Variants in MEIKIN observed in about 807,000 individuals in gnomAD.
MEIKIN encodes the protein meiotic kinetochore factor.
chr5:131,885,327 CCACTCAGAACTGAAA>C, intron 8 of MEIKIN, among the ~76,000 whole-genome samples: 1 of 136,144 alleles, frequency 7.3e-6, no homozygotes, highest in Non-Finnish European at 1.5e-5. Flanking sequence ...CAGCTGCAGG[CCACTCAGAACTGAAA>C]GAGAGAGAGA....
At chr5:131,885,391 G>A (rs1036363231) in intron 8 of MEIKIN, among the ~76,000 whole-genome samples, 108 of 111,286 alleles carry the variant, frequency 9.7e-4, no homozygotes, top group African/African-American at 3.1e-3. Context: ...GAGAGAGAGA[G>A]AGAGAGAGAG....
At chr5:131,935,603 C>T (rs1015308092) in intron 4 of MEIKIN, among the ~76,000 whole-genome samples, 3 of 151,952 alleles carry the variant, frequency 2.0e-5, no homozygotes, top group Non-Finnish European at 2.9e-5. Flanking sequence ...AAACTGGTTG[C>T]GGGGGTCGGG....
intron 12 of MEIKIN, among the ~76,000 whole-genome samples, chr5:131,817,886 C>T (rs1304835221): frequency 1.3e-5 from 2 of 152,090 alleles, no homozygotes; most frequent in Non-Finnish European, 2.9e-5. Flanking sequence ...GCTATTTACT[C>T]ATAAAAATTC....
chr5:131,903,877 C>T (rs910664727), intron 8 of MEIKIN, among the ~76,000 whole-genome samples: 3 of 151,724 alleles, frequency 2.0e-5, no homozygotes, highest in African/African-American at 7.3e-5. Context: ...CAACAGTATG[C>T]TGTCTTCAAG....
Position 131,882,569 on chromosome 5 carries a change from C to T in MEIKIN, c.704-3521G>A, listed in dbSNP as rs138467213. On this transcript the variant is annotated intron_variant, in intron 8 of 12. Transcript: ENST00000442687. ...ACCGACCTATGGGGCTATTTAAATTCATTTAAAATGAAATAAAATGTAAAA... is the reference window on the plus strand; with the variant it reads ...ACCGACCTATGGGGCTATTTAAATTTATTTAAAATGAAATAAAATGTAAAA... Among the ~76,000 whole-genome samples, 711 of 152,182 alleles carry T rather than the reference C, an allele frequency of 4.7e-3. 8 individuals carry two copies. The highest frequency in any genetic ancestry group is 0.016 in the African/African-American group (675 of 41,502).
At chr5:131,885,381 G>GAGAA (rs1750772598) in intron 8 of MEIKIN, among the ~76,000 whole-genome samples, 1 of 91,476 alleles carries the variant, frequency 1.1e-5, no homozygotes, top group African/African-American at 4.5e-5. Flanking sequence ...GAGAGAGAGA[G>GAGAA]AGAGAGAGAG....
At chr5:131,817,580 C>A (rs1193347388) in intron 12 of MEIKIN, among the ~76,000 whole-genome samples, 1 of 149,998 alleles carries the variant, frequency 6.7e-6, no homozygotes. Flanking sequence ...TGCGCCACTG[C>A]ACTCCAGCCT....
chr5:131,836,094 T>C (rs1044050612), intron 11 of MEIKIN, among the ~76,000 whole-genome samples: 1 of 152,196 alleles, frequency 6.6e-6, no homozygotes, highest in Non-Finnish European at 1.5e-5. Flanking sequence ...CCCCTGTATA[T>C]GTCCATGTGT....
At chr5:131,873,505 CT>C (rs1239132347) in intron 9 of MEIKIN, among the ~76,000 whole-genome samples, 1 of 152,274 alleles carries the variant, frequency 6.6e-6, no homozygotes. Context: ...AAAGCAAGTC[CT>C]TAGTGACCTA....
intron 12 of MEIKIN, among the ~76,000 whole-genome samples, chr5:131,813,429 CTTT>C (rs70974017): frequency 7.1e-6 from 1 of 140,634 alleles, no homozygotes; most frequent in Non-Finnish European, 1.5e-5. Context: ...TAACTATATT[CTTT>C]TTTTTTTTTT....
chr5:131,851,266 C>T lies in MEIKIN; in HGVS notation c.973G>A (p.Glu325Lys), dbSNP rs558412879. 28 of 397,942 alleles carry T rather than the reference C, an allele frequency of 7.0e-5. No individual in the cohort carries two copies. The highest frequency in any genetic ancestry group is 5.8e-4 in the African/African-American group (28 of 48,688). The allele number at this position is 397,942 out of a possible 1,614,324, so 24.7% of individuals were successfully genotyped here. A position where few individuals can be genotyped will look rare whatever the true frequency, so the allele number is the denominator to read the frequency against. The change falls in exon 11 of 13, where the codon GAG (glutamate) becomes AAG (lysine). Residue 325 changes from glutamate to lysine, a missense_variant and splice_region_variant. By Grantham distance (56) the Glu-to-Lys change is moderately conservative (BLOSUM62 1). Coordinates refer to ENST00000442687, the MANE Select transcript of MEIKIN (RefSeq NM_001303622.2). ...VSSLQENSSNEFPANASEICC... is the reference protein window; with the variant it reads ...VSSLQENSSNKFPANASEICC... Reference sequence around the variant, plus strand: ...GAAGGAAAAATGGAAAATACTACCTCATTTGAAGAATTTTCCTGCAAACTT... The same window carrying T: ...GAAGGAAAAATGGAAAATACTACCTTATTTGAAGAATTTTCCTGCAAACTT...
At chr5:131,888,398 C>A (rs1750840947) in intron 8 of MEIKIN, among the ~76,000 whole-genome samples, 1 of 151,674 alleles carries the variant, frequency 6.6e-6, no homozygotes, top group Admixed American at 6.6e-5. Context: ...TAATGATCGC[C>A]ATTCTAACTG....
chr5:131,890,676 T>G (rs1417322512), intron 8 of MEIKIN, among the ~76,000 whole-genome samples: 1 of 152,228 alleles, frequency 6.6e-6, no homozygotes, highest in Non-Finnish European at 1.5e-5. Context: ...AGCTCCTGGA[T>G]TCATTGATTT....
At chr5:131,939,567 C>T (rs1427984390) in intron 4 of MEIKIN, among the ~76,000 whole-genome samples, 1 of 152,120 alleles carries the variant, frequency 6.6e-6, no homozygotes, top group African/African-American at 2.4e-5. Flanking sequence ...CAATCTTCCA[C>T]ATTAAATATA....
chr5:131,875,119 A>G (rs1750588667), intron 9 of MEIKIN, among the ~76,000 whole-genome samples: 1 of 152,232 alleles, frequency 6.6e-6, no homozygotes, highest in Admixed American at 6.5e-5. Flanking sequence ...CTCCGATTCA[A>G]CATAGTGTTG....
intron 11 of MEIKIN, 78 bp downstream of exon 11, chr5:131,851,186 T>C (rs1750108544): frequency 7.6e-6 from 3 of 393,860 alleles, no homozygotes; most frequent in Non-Finnish European, 1.3e-5. Context: ...AGATTTCTTA[T>C]AGCACCTCAT....
chr5:131,921,251 C>T (rs1020998801), intron 6 of MEIKIN, among the ~76,000 whole-genome samples: 1 of 152,216 alleles, frequency 6.6e-6, no homozygotes, highest in Non-Finnish European at 1.5e-5. Context: ...ATGGCTCATG[C>T]CTATAATCTC....
chr5:131,846,059 A>G lies in MEIKIN; in HGVS notation c.975+5205T>C, dbSNP rs140586110. 3.2e-3 allele frequency among the ~76,000 whole-genome samples: 480 copies of G among 152,340 alleles called. 5 individuals carry two copies. Among genetic ancestry groups the G allele is most frequent in the African/African-American group, 0.011 (471 of 41,572 alleles). The stretch of plus-strand genomic sequence containing the variant: ...GACTTGTTGCACACAAGGGATCTTT[A>G]TAAGATAATCAACAGATTTCTTGTC... On this transcript the variant is annotated intron_variant, in intron 11 of 12. Coordinates refer to ENST00000442687, the MANE Select transcript of MEIKIN (RefSeq NM_001303622.2).
chr5:131,827,328 G>C (rs1408270738), intron 11 of MEIKIN, among the ~76,000 whole-genome samples: 1 of 151,964 alleles, frequency 6.6e-6, no homozygotes, highest in Non-Finnish European at 1.5e-5. Context: ...AAGAAGAAAA[G>C]GGAGGCATAC....
Sources: gnomAD v4.1 joint callset for allele counts (sites outside exome capture counted in the v4.1 genomes callset) on GRCh38, gnomAD v4.1.1 for gene constraint, MANE v1.5 for transcripts, NCBI Gene and HGNC (gene_info 2026-07-23, HGNC 2026-07-21) for gene names.